Variants in ANKRD27 observed in about 807,000 individuals in gnomAD.
The protein encoded by ANKRD27 is ankyrin repeat domain-containing protein 27.
In ANKRD27, 112 loss-of-function variants were observed where a neutral mutation model predicts 129.7. The ratio of observed to expected loss-of-function variants is 0.86; its 90% CI spans 0.74 to 1.01. The LOEUF (loss-of-function observed/expected upper bound fraction) is 1.01. Ranked by LOEUF, ANKRD27 falls within the 50% of genes least tolerant of loss-of-function variation. The pLI is 0.00. For missense variants in ANKRD27, 1,258 were observed against 1,300.5 expected (o/e 0.97, Z 0.50); for synonymous variants, 516 against 511.2 (o/e 1.01, Z -0.13).
chr19:32,631,560 GCAA>G (rs1966993111), intron 12 of ANKRD27, 66 bp from the exon 13 acceptor site: 1 of 1,296,058 alleles, frequency 7.7e-7, no homozygotes, highest in African/African-American at 1.5e-5. Context: ...CAGCACCTCA[GCAA>G]CAACCCCGGC....
intron 22 of ANKRD27, 120 bp downstream of exon 22, chr19:32,615,538 T>C (rs1200630418): frequency 2.0e-6 from 3 of 1,531,904 alleles, no homozygotes; most frequent in Non-Finnish European, 1.8e-6. Context: ...GGGTCATGAC[T>C]GTACCACTGC....
chr19:32,625,938 G>A lies in ANKRD27; in HGVS notation c.1565C>T (p.Ala522Val), dbSNP rs776736848. 82 of 1,610,852 alleles carry A rather than the reference G, an allele frequency of 5.1e-5. No individual in the cohort carries two copies. The highest frequency in any genetic ancestry group is 6.2e-5 in the Non-Finnish European group (73 of 1,179,132). ...TLLLLHYKAS[A>V]EVQDNNGNTP... ...ATTCCCATTGTTGTCCTGCACTTCC[G>A]CGCTGGCCTTGTAGTGCAGCAGCAG... Residue 522 changes from alanine (A) to valine (V), a missense_variant, in exon 17 of 29, where the codon GCG becomes GTG. Coordinates refer to ENST00000306065, the MANE Select transcript of ANKRD27 (RefSeq NM_032139.3).
chr19:32,607,144 T>TA (rs34734065), intron 23 of ANKRD27, among the ~76,000 whole-genome samples: 1,507 of 94,294 alleles, frequency 0.016, 25 homozygotes, highest in African/African-American at 0.057. Context: ...GGTGATGTCT[T>TA]AAAAAAAAAA....
intron 1 of ANKRD27, among the ~76,000 whole-genome samples, chr19:32,668,476 T>G (rs965771906): frequency 1.2e-3 from 28 of 23,804 alleles, no homozygotes; most frequent in Non-Finnish European, 3.8e-3. Flanking sequence ...TATCTTCATC[T>G]TTTTTTTTTT....
At chr19:32,629,649 A>G (rs1042338217) in intron 13 of ANKRD27, among the ~76,000 whole-genome samples, 2 of 152,010 alleles carry the variant, frequency 1.3e-5, no homozygotes, top group Non-Finnish European at 2.9e-5. Flanking sequence ...GCAGTGAACC[A>G]AGATCGCACC....
chr19:32,623,671 C>G (rs1328365791), intron 17 of ANKRD27, among the ~76,000 whole-genome samples: 1 of 151,978 alleles, frequency 6.6e-6, no homozygotes, highest in Non-Finnish European at 1.5e-5. Context: ...ACCTCAACCT[C>G]CTGAGTAGCT....
At chr19:32,598,914 G>C (rs973682388) in intron 28 of ANKRD27, among the ~76,000 whole-genome samples, 2 of 152,162 alleles carry the variant, frequency 1.3e-5, no homozygotes, top group South Asian at 2.1e-4. Flanking sequence ...TCAGCAACAA[G>C]GAAAGCTGTG....
intron 22 of ANKRD27, among the ~76,000 whole-genome samples, chr19:32,613,982 A>G (rs1259423640): frequency 2.0e-5 from 3 of 152,164 alleles, no homozygotes; most frequent in Non-Finnish European, 4.4e-5. Context: ...TGCTGGGATT[A>G]CAGGCATAAG....
intron 1 of ANKRD27, among the ~76,000 whole-genome samples, chr19:32,661,009 G>A (rs1967633389): frequency 1.3e-5 from 2 of 151,262 alleles, no homozygotes; most frequent in African/African-American, 4.9e-5. Flanking sequence ...ACCAGCCCAG[G>A]CAACATAGCG....
chr19:32,670,536 T>C (rs1319754758), intron 1 of ANKRD27, among the ~76,000 whole-genome samples: 1 of 150,842 alleles, frequency 6.6e-6, no homozygotes, highest in Non-Finnish European at 1.5e-5. Flanking sequence ...TAGCCGGGCA[T>C]GGTGGCAAAC....
intron 14 of ANKRD27, 60 bp from the exon 15 acceptor site, chr19:32,628,225 T>C: frequency 6.9e-7 from 1 of 1,445,242 alleles, no homozygotes; most frequent in South Asian, 1.2e-5. Flanking sequence ...AGCCTCTCCC[T>C]GACCAGGTAG....
intron 17 of ANKRD27, among the ~76,000 whole-genome samples, chr19:32,625,277 A>G (rs1297477162): frequency 6.6e-6 from 1 of 152,264 alleles, no homozygotes; most frequent in Non-Finnish European, 1.5e-5. Context: ...ATAAGTAAAT[A>G]ATAAAAACAG....
chr19:32,622,995 T>C (rs1972037449), intron 17 of ANKRD27, among the ~76,000 whole-genome samples: 1 of 151,744 alleles, frequency 6.6e-6, no homozygotes, highest in Non-Finnish European at 1.5e-5. Flanking sequence ...TCTCACTCTG[T>C]TGCCCAGGCA....
At chr19:32,642,324 A>G (rs1967217459) in intron 9 of ANKRD27, among the ~76,000 whole-genome samples, 179 bp from the exon 10 acceptor site, 1 of 152,154 alleles carries the variant, frequency 6.6e-6, no homozygotes. Flanking sequence ...AGAGCCTTCA[A>G]TCCCATTCAG....
At chr19:32,641,932 C>T in intron 10 of ANKRD27, 92 bp downstream of exon 10, 15 of 1,437,996 alleles carry the variant, frequency 1.0e-5, no homozygotes, top group Non-Finnish European at 1.4e-5. Context: ...TGCACCCAGC[C>T]CCATAAAAAT....
At chr19:32,644,587 T>C (rs1967267101) in intron 4 of ANKRD27, 108 bp from the exon 5 acceptor site, 1 of 1,288,342 alleles carries the variant, frequency 7.8e-7, no homozygotes, top group South Asian at 1.4e-5. Context: ...AATGTCCTTA[T>C]TTCAAGACAC....
chr19:32,658,451 G>T (rs1427271869), intron 2 of ANKRD27, among the ~76,000 whole-genome samples: 1 of 152,174 alleles, frequency 6.6e-6, no homozygotes, highest in Admixed American at 6.5e-5. Context: ...TCATCATGGT[G>T]CTTTCCCTTT....
At chr19:32,669,156 A>C (rs926777755) in intron 1 of ANKRD27, among the ~76,000 whole-genome samples, 31 of 152,312 alleles carry the variant, frequency 2.0e-4, no homozygotes, top group African/African-American at 6.7e-4. Flanking sequence ...CACAAGACAG[A>C]CAGCCACACA....
intron 1 of ANKRD27, among the ~76,000 whole-genome samples, chr19:32,663,371 G>C (rs1475975079): frequency 2.0e-5 from 3 of 152,136 alleles, no homozygotes; most frequent in Admixed American, 2.0e-4. Flanking sequence ...ATTTTGGGTG[G>C]GTTTGTTACA....
Sources: gnomAD v4.1 joint callset for allele counts (sites outside exome capture counted in the v4.1 genomes callset) on GRCh38, gnomAD v4.1.1 for gene constraint, MANE v1.5 for transcripts, NCBI Gene and HGNC (gene_info 2026-07-23, HGNC 2026-07-21) for gene names.